Variants in SH2B1 observed in about 807,000 individuals in gnomAD.
SH2B1 encodes the protein SH2B adapter protein 1.
SH2B1 carries 15 observed loss-of-function variants against 62.6 expected under a neutral mutation model. That is an observed-to-expected ratio of 0.24 (90% CI 0.16 to 0.37). The LOEUF (loss-of-function observed/expected upper bound fraction) is 0.37. SH2B1 is among the 10% of genes least tolerant of loss of function. SH2B1 has a pLI of 1.00. For missense variants in SH2B1, 925 were observed against 1,015.6 expected (o/e 0.91, Z 1.21); for synonymous variants, 443 against 438.0 (o/e 1.01, Z -0.14).
At position 28,871,065 on chromosome 16, in the gene SH2B1, T is replaced by C. The variant is rs1211416583; in HGVS notation, c.1310-715T>C. On this transcript the variant is annotated intron_variant, in intron 4 of 7. Transcript: ENST00000684370. ...CAGAGGCTTGCTCTGTCGCCCAGGC[T>C]GCAGTGCAGTGAAACAATCTCGGCT... Among the ~76,000 whole-genome samples the C allele has an allele frequency of 2.6e-5, 4 of 152,002 alleles. No homozygotes were observed. In the Middle Eastern group the frequency reaches 0.01, roughly 388 times the overall value.
At chr16:28,847,304 C>G (rs1961997979) in intron 1 of SH2B1, among the ~76,000 whole-genome samples, 1 of 152,208 alleles carries the variant, frequency 6.6e-6, no homozygotes, top group South Asian at 2.1e-4. Context: ...TGTCCCTTAA[C>G]TTTCACATCC....
Position 28,873,546 on chromosome 16 carries a change from TGGC to T in SH2B1, c.2001_2003del (p.Ala674del), listed in dbSNP as rs749042356. On this transcript the variant is annotated inframe_deletion, in exon 8 of 8. Coordinates refer to ENST00000684370, the MANE Select transcript of SH2B1 (RefSeq NM_001387430.1). The surrounding 1 kb of genome is among the most constrained non-coding windows in gnomAD (Gnocchi z 4.2). ...GAAGAGGCGTCGAGGGCGCCAGAAG[TGGC>T]GGCAGCAGCAGCCGCAGCAGCCAAA... 6.2e-6 allele frequency: 10 copies of T among 1,602,504 alleles called. No homozygotes were observed. The East Asian group carries it at 9.0e-5, about 14-fold the overall frequency.
At chr16:28,848,117 C>T (rs1174819429) in intron 1 of SH2B1, among the ~76,000 whole-genome samples, 1 of 151,638 alleles carries the variant, frequency 6.6e-6, no homozygotes, top group Admixed American at 6.6e-5. Context: ...TGAGCTACCA[C>T]GCTCAGCCAA....
In SH2B1 at chr16:28,873,172, C is replaced by T. The variant is rs771657781; in HGVS notation, c.1898-275C>T. ...CCCCACGTTGCCCCTCCCCCCAGGC[C>T]GGGAGCAGGCTGGGAGCCATGCGGG... On this transcript the variant is annotated intron_variant, in intron 7 of 7. Coordinates refer to ENST00000684370, the MANE Select transcript of SH2B1 (RefSeq NM_001387430.1). The surrounding 1 kb of genome is among the most constrained non-coding windows in gnomAD (Gnocchi z 4.2). The T allele has an allele frequency of 9.6e-6, 15 of 1,562,822 alleles. No individual in the cohort carries two copies. Among genetic ancestry groups the T allele is most frequent in the African/African-American group, 8.1e-5 (6 of 73,792 alleles).
At chr16:28,863,437 C>G (rs1962518803), upstream of SH2B1, 1 of 472,660 alleles carries the variant, frequency 2.1e-6, no homozygotes, top group African/African-American at 2.0e-5. Flanking sequence ...CCGCGTGCCC[C>G]TCCACAGCGG....
chr16:28,866,080 C>A lies in SH2B1; in HGVS notation c.-15C>A. 6.6e-7 allele frequency: 1 copy of A among 1,524,028 alleles called. No individual in the cohort carries two copies. The highest frequency in any genetic ancestry group is 1.3e-5 in the South Asian group (1 of 78,440). The allele number at this position is 1,524,028 out of a possible 1,614,324, so 94.4% of individuals were successfully genotyped here. ...TGCCCCACAGGCTCCCCCTCTCCAC[C>A]TCCTGGGGCCCATCATGAATGGTGC... On this transcript the variant is annotated 5_prime_UTR_variant, in exon 1 of 8. Transcript: ENST00000684370. The surrounding 1 kb of genome is among the most constrained non-coding windows in gnomAD (Gnocchi z 6.3).
Position 28,865,974 on chromosome 16 carries a change from C to T in SH2B1, c.-121C>T. The T allele has an allele frequency of 6.7e-7, 1 of 1,486,010 alleles. No homozygotes were observed. Among genetic ancestry groups the T allele is most frequent in the Non-Finnish European group, 8.9e-7 (1 of 1,127,156 alleles). The allele number at this position is 1,486,010 out of a possible 1,614,324, so 92.1% of individuals were successfully genotyped here. A position where few individuals can be genotyped will look rare whatever the true frequency, so the allele number is the denominator to read the frequency against. The stretch of plus-strand genomic sequence containing the variant: ...GATGCAGCCTCCGGTGCGCCCTCAG[C>T]AGTGACCCTCGTGTGTGCCTCTCTC... On this transcript the variant is annotated 5_prime_UTR_variant, in exon 1 of 8. An upstream open reading frame in the 5' UTR gains an earlier in-frame stop. Transcript: ENST00000684370.
Position 28,852,495 on chromosome 16 carries a change from TATATTTATATATATACAC to T in SH2B1, c.-301+5673_-301+5690del, listed in dbSNP as rs1313588418. The stretch of plus-strand genomic sequence containing the variant: ...ACATATATATTTATATATACATACA[TATATTTATATATATACAC>T]ATATATTTATATATATACACATATA... On this transcript the variant is annotated intron_variant, in intron 1 of 10. Transcript: ENST00000322610. 7.0e-3 allele frequency among the ~76,000 whole-genome samples: 504 copies of T among 72,298 alleles called. 216 individuals carry two copies. The highest frequency in any genetic ancestry group is 0.031 in the African/African-American group (484 of 15,646). 47.4% of individuals were successfully genotyped at this position (72,298 alleles called of 152,430 possible). A position where few individuals can be genotyped will look rare whatever the true frequency, so the allele number is the denominator to read the frequency against.
At position 28,853,161 on chromosome 16, in the gene SH2B1, T is replaced by C. The variant is rs905766499; in HGVS notation, c.-301+6334T>C. Among the ~76,000 whole-genome samples the C allele has an allele frequency of 1.3e-3, 177 of 136,052 alleles. 2 individuals are homozygous for C. Among genetic ancestry groups the C allele is most frequent in the Middle Eastern group, 3.7e-3 (1 of 268 alleles). The allele number at this position is 136,052 out of a possible 152,430, so 89.3% of individuals were successfully genotyped here. On this transcript the variant is annotated intron_variant, in intron 1 of 10. Transcript: ENST00000322610. ...TTATATAAATATATATAAATGTATA[T>C]ATAAATATATATATATTTTTTGGGT... is the stretch of plus-strand genomic sequence containing the variant.
chr16:28,859,881 G>C (rs116693497), upstream of SH2B1, among the ~76,000 whole-genome samples: 582 of 27,700 alleles, frequency 0.021, 7 homozygotes, highest in African/African-American at 0.044. Flanking sequence ...CCCCCCCCCC[G>C]GCTGTTTTCA....
At chr16:28,867,619 A>G (rs1962791255) in intron 2 of SH2B1, among the ~76,000 whole-genome samples, 187 bp downstream of exon 2, 1 of 152,198 alleles carries the variant, frequency 6.6e-6, no homozygotes, top group South Asian at 2.1e-4. Context: ...CTCAAAAACA[A>G]TGCCTCCACT....
upstream of SH2B1, chr16:28,863,276 A>T (rs931677307): frequency 7.4e-5 from 10 of 136,054 alleles, no homozygotes; most frequent in Non-Finnish European, 1.2e-4. Context: ...CACTACCACC[A>T]TCTTCATCTC....
Position 28,865,080 on chromosome 16 carries a change from A to G in SH2B1, c.-1015A>G, listed in dbSNP as rs1035267606. 1.3e-5 allele frequency: 13 copies of G among 985,400 alleles called. No homozygotes were observed. In the Admixed American group the frequency reaches 8.0e-4, roughly 61 times the overall value. The allele number at this position is 985,400 out of a possible 1,614,324, so 61.0% of individuals were successfully genotyped here. A position where few individuals can be genotyped will look rare whatever the true frequency, so the allele number is the denominator to read the frequency against. ...ACTCAAGTCCATGGCCTTAACCAGA[A>G]GGCTAACCTGCCTTTAGGGCATACT... On this transcript the variant is annotated 5_prime_UTR_variant, in exon 1 of 8. Transcript: ENST00000684370.
chr16:28,863,906 G>T lies in SH2B1; in HGVS notation c.-2189G>T. 2 of 1,480,868 alleles carry T rather than the reference G, an allele frequency of 1.4e-6. No homozygotes were observed. The highest frequency in any genetic ancestry group is 1.8e-6 in the Non-Finnish European group (2 of 1,118,766). 91.7% of individuals were successfully genotyped at this position (1,480,868 alleles called of 1,614,324 possible). On this transcript the variant is annotated 5_prime_UTR_variant, in exon 1 of 8. Coordinates refer to ENST00000684370, the MANE Select transcript of SH2B1 (RefSeq NM_001387430.1). ...GCAGGGAGCGGGAGCCGCCGCCGCC[G>T]CCGCCGCCGCCGGAGCTAACCTCGG...
rs1245847601 is a variant in SH2B1 at position 28,867,007 on chromosome 16, C to T, written c.913C>T (p.Arg305Cys). The change falls in exon 1 of 8, where the codon CGC becomes TGC. Residue 305 changes from arginine (R) to cysteine (C), a missense_variant. Around this residue, in one of 3 missense-constraint regions of SH2B1, gnomAD observed 683 missense variants for 704.0 expected, o/e 0.97. Transcript: ENST00000684370. ...RSEGEGGGGSRLEFFVPPKAS... is the reference protein window; with the variant it reads ...RSEGEGGGGSCLEFFVPPKAS... The stretch of plus-strand genomic sequence containing the variant: ...TGAAGGAGAAGGAGGAGGAGGAAGT[C>T]GCCTGGAGTTCTTTGTACCACCCAA... 9 of 1,600,708 alleles carry T rather than the reference C, an allele frequency of 5.6e-6. No individual in the cohort carries two copies. The highest frequency in any genetic ancestry group is 6.8e-6 in the Non-Finnish European group (8 of 1,179,946).
At position 28,868,546 on chromosome 16, in the gene SH2B1, G is replaced by A. The variant is rs925913972; in HGVS notation, c.1042-460G>A. Among the ~76,000 whole-genome samples, 8 of 151,170 alleles carry A rather than the reference G, an allele frequency of 5.3e-5. No homozygotes were observed. The South Asian group carries it at 8.4e-4, about 16-fold the overall frequency. ...ATGATCTTGGCTCACTGCAACCTCC[G>A]CCTCCCGGGTTCAAGCGATTCTCCT... is the stretch of plus-strand genomic sequence containing the variant. On this transcript the variant is annotated intron_variant, in intron 2 of 7. Transcript: ENST00000684370.
In SH2B1 at chr16:28,873,194, C is replaced by T. The variant is rs761572337; in HGVS notation, c.1898-253C>T. 30 of 1,591,760 alleles carry T rather than the reference C, an allele frequency of 1.9e-5. No individual in the cohort carries two copies. The East Asian group carries it at 4.3e-4, about 23-fold the overall frequency. On this transcript the variant is annotated intron_variant, in intron 7 of 7. Coordinates refer to ENST00000684370, the MANE Select transcript of SH2B1 (RefSeq NM_001387430.1). This position sits in a 1 kb window ranked among gnomAD's most constrained non-coding sequence, Gnocchi z 4.2. ...GGCCGGGAGCAGGCTGGGAGCCATG[C>T]GGGGGTGTGCGAGGGAGATGGATGC...
Position 28,864,336 on chromosome 16 carries a change from A to G in SH2B1, c.-1759A>G. 1 of 993,072 alleles carries G rather than the reference A, an allele frequency of 1.0e-6. No individual in the cohort carries two copies. The highest frequency in any genetic ancestry group is 1.2e-6 in the Non-Finnish European group (1 of 834,434). The allele number at this position is 993,072 out of a possible 1,614,324, so 61.5% of individuals were successfully genotyped here. On this transcript the variant is annotated 5_prime_UTR_variant, in exon 1 of 8. Transcript: ENST00000684370. ...ACTGAGTCACCAGCTTAGGAGTCGC[A>G]GGGTCAGCGGGCCTGAAGGGGGCTG... is the stretch of plus-strand genomic sequence containing the variant.
At chr16:28,868,355 T>A (rs1962844206) in intron 2 of SH2B1, among the ~76,000 whole-genome samples, 1 of 150,496 alleles carries the variant, frequency 6.6e-6, no homozygotes, top group African/African-American at 2.5e-5. Context: ...TTAGCTAGGA[T>A]GGTCTCGATC....
Sources: gnomAD v4.1 joint callset for allele counts (sites outside exome capture counted in the v4.1 genomes callset) on GRCh38, gnomAD v4.1.1 for gene constraint, gnomAD v4.1.1 regional missense constraint, Gnocchi (gnomAD v3.1) non-coding constraint, MANE v1.5 for transcripts, NCBI Gene and HGNC (gene_info 2026-07-23, HGNC 2026-07-21) for gene names.